TEX36: variants seen among roughly 807,000 people sequenced by gnomAD.
TEX36 encodes testis-expressed protein 36.
A neutral mutation model predicts 13.6 loss-of-function variants in TEX36; 12 were observed. The ratio of observed to expected loss-of-function variants is 0.88; its 90% confidence interval spans 0.56 to 1.43. TEX36 has a LOEUF of 1.43. Among genes scored for constraint, TEX36 ranks in the 40% most tolerant of loss-of-function variants. TEX36 has a pLI of 0.00. For missense variants in TEX36, 224 were observed against 228.3 expected (o/e 0.98, Z 0.12); for synonymous variants, 93 against 83.0 (o/e 1.12, Z -0.65).
At chr10:125,582,180 T>A (rs1010582779) in intron 3 of TEX36, among the ~76,000 whole-genome samples, 2 of 151,780 alleles carry the variant, frequency 1.3e-5, no homozygotes, top group African/African-American at 4.8e-5. Context: ...TGGGGTGGAG[T>A]GGTGCCCTCA....
chr10:125,615,516 C>T (rs1321410535), intron 3 of TEX36, among the ~76,000 whole-genome samples: 3 of 151,966 alleles, frequency 2.0e-5, no homozygotes, highest in South Asian at 2.1e-4. Context: ...TTATCAAAGG[C>T]CTTTTCTGCA....
At chr10:125,664,051 T>C (rs966266282) in intron 1 of TEX36, among the ~76,000 whole-genome samples, 1 of 152,162 alleles carries the variant, frequency 6.6e-6, no homozygotes, top group African/African-American at 2.4e-5. Flanking sequence ...AGTTCAACTG[T>C]TTTAATACTC....
At chr10:125,672,872 T>G (rs1847254944) in intron 1 of TEX36, among the ~76,000 whole-genome samples, 1 of 152,208 alleles carries the variant, frequency 6.6e-6, no homozygotes, top group African/African-American at 2.4e-5. Context: ...CCCTTTACCA[T>G]TATTCAATGC....
At chr10:125,635,958 C>G (rs1265239908) in intron 3 of TEX36, among the ~76,000 whole-genome samples, 3 of 152,004 alleles carry the variant, frequency 2.0e-5, no homozygotes, top group Non-Finnish European at 4.4e-5. Flanking sequence ...ACTGCAGCCT[C>G]AACTTCCTGG....
intron 1 of TEX36, chr10:125,667,015 C>A: frequency 6.9e-7 from 1 of 1,454,146 alleles, no homozygotes. Flanking sequence ...GGTTCTCCTT[C>A]TTCCTGCCCC....
chr10:125,604,903 C>A (rs561922092), intron 3 of TEX36, among the ~76,000 whole-genome samples: 1 of 137,100 alleles, frequency 7.3e-6, no homozygotes, highest in East Asian at 2.1e-4. Context: ...AGGAAAATAA[C>A]CTCAGGGCTC....
At chr10:125,596,156 C>G (rs903038165) in intron 3 of TEX36, among the ~76,000 whole-genome samples, 1 of 152,088 alleles carries the variant, frequency 6.6e-6, no homozygotes, top group African/African-American at 2.4e-5. Flanking sequence ...TGAACAATGG[C>G]CCTTCAACAT....
chr10:125,663,743 A>G (rs1316838593), intron 1 of TEX36, among the ~76,000 whole-genome samples: 1 of 152,126 alleles, frequency 6.6e-6, no homozygotes, highest in Non-Finnish European at 1.5e-5. Flanking sequence ...GTAGCTGTAT[A>G]TATTTATGGG....
At chr10:125,651,583 G>T (rs1846860389), downstream of TEX36, among the ~76,000 whole-genome samples, 1 of 152,104 alleles carries the variant, frequency 6.6e-6, no homozygotes. Context: ...TTGAAAACTG[G>T]CACAAGACAG....
At chr10:125,636,663 C>T (rs563819706) in intron 3 of TEX36, among the ~76,000 whole-genome samples, 1 of 152,302 alleles carries the variant, frequency 6.6e-6, no homozygotes, top group African/African-American at 2.4e-5. Context: ...CACACTGTGA[C>T]CCACCATCGT....
At chr10:125,667,070 G>A in intron 1 of TEX36, 1 of 1,275,244 alleles carries the variant, frequency 7.8e-7, no homozygotes, top group Non-Finnish European at 1.1e-6. Flanking sequence ...ATAGGAGAAG[G>A]TCACAGGGAG....
At chr10:125,590,570 A>G (rs1435477957) in intron 3 of TEX36, among the ~76,000 whole-genome samples, 15 of 152,200 alleles carry the variant, frequency 9.9e-5, no homozygotes, top group Non-Finnish European at 1.5e-5. Context: ...TATTATTATT[A>G]CTATTATTAC....
Position 125,678,709 on chromosome 10 carries a change from G to A in TEX36, c.51+4230C>T, listed in dbSNP as rs1847347649. 2.0e-5 allele frequency among the ~76,000 whole-genome samples: 3 copies of A among 152,288 alleles called. No homozygotes were observed. The South Asian group carries it at 6.2e-4, about 32-fold the overall frequency. On this transcript the variant is annotated intron_variant, in intron 1 of 3. Transcript: ENST00000368821. ...GTCTCTAGGACTGCAGGTGGTGCTT[G>A]CACATGGGGGCCAGCTGAGATGGTA...
intron 1 of TEX36, among the ~76,000 whole-genome samples, chr10:125,680,176 A>T (rs768026292): frequency 7.9e-5 from 12 of 152,132 alleles, no homozygotes; most frequent in Non-Finnish European, 1.2e-4. Context: ...CGGGTTCTGA[A>T]CCTTTTCCTT....
chr10:125,680,201 T>C (rs1847372823), intron 1 of TEX36, among the ~76,000 whole-genome samples: 1 of 152,320 alleles, frequency 6.6e-6, no homozygotes, highest in Middle Eastern at 3.4e-3. Context: ...CTTCCTCCAG[T>C]CTGACTGAGT....
chr10:125,598,947 T>C (rs1846111868), intron 3 of TEX36, among the ~76,000 whole-genome samples: 1 of 152,188 alleles, frequency 6.6e-6, no homozygotes, highest in Non-Finnish European at 1.5e-5. Context: ...AAGTTGACCA[T>C]ATCAACCCTA....
intron 1 of TEX36, among the ~76,000 whole-genome samples, chr10:125,676,472 A>C (rs985466507): frequency 3.3e-5 from 5 of 151,540 alleles, no homozygotes; most frequent in Non-Finnish European, 7.4e-5. Flanking sequence ...TCTTTTTATC[A>C]TGACTTTATT....
intron 3 of TEX36, among the ~76,000 whole-genome samples, chr10:125,636,626 C>A (rs1846627222): frequency 1.3e-5 from 2 of 152,096 alleles, no homozygotes; most frequent in African/African-American, 2.4e-5. Flanking sequence ...TTTCTAAACC[C>A]GTGTTCCAGT....
intron 3 of TEX36, among the ~76,000 whole-genome samples, chr10:125,616,235 C>T (rs542415310): frequency 4.3e-4 from 65 of 152,240 alleles, no homozygotes; most frequent in African/African-American, 1.5e-3. Flanking sequence ...AAAAAACCAG[C>T]TCCTGGATTC....
Sources: allele counts gnomAD v4.1 joint callset (sites outside exome capture counted in the v4.1 genomes callset), GRCh38; gene constraint gnomAD v4.1.1; transcripts MANE v1.5; gene names NCBI Gene and HGNC (gene_info 2026-07-23, HGNC 2026-07-21).